NGFR: variants seen among roughly 807,000 people sequenced by gnomAD.
NGFR encodes nerve growth factor receptor.
Under a neutral mutation model 43.2 loss-of-function variants are expected in NGFR, and 30 were observed. The ratio of observed to expected loss-of-function variants is 0.69; its 90% CI spans 0.52 to 0.94. NGFR has a LOEUF of 0.94. Among genes scored for constraint, NGFR ranks in the 40% least tolerant of loss-of-function variants. The pLI is 0.00. For synonymous variants in NGFR, 246 were observed against 259.6 expected, an observed-to-expected ratio of 0.95 and a Z score of 0.50; for missense variants, 529 against 602.5, an observed-to-expected ratio of 0.88 and a Z score of 1.28.
At chr17:49,511,781 A>C in intron 4 of NGFR, 111 bp from the exon 5 acceptor site, 2 of 1,301,454 alleles carry the variant, frequency 1.5e-6, no homozygotes, top group Non-Finnish European at 2.0e-6. Flanking sequence ...GGCGGTTATA[A>C]TTGGGCACCC....
At chr17:49,501,932 G>T in intron 1 of NGFR, 131 bp from the exon 2 acceptor site, 1 of 850,938 alleles carries the variant, frequency 1.2e-6, no homozygotes, top group Non-Finnish European at 1.7e-6. Flanking sequence ...CCTCCCTGGT[G>T]AGCTCATCCC....
Position 49,512,708 on chromosome 17 carries a change from C to A in NGFR, c.983C>A (p.Ala328Asp). Reference protein sequence around the residue: ...QPHTQTASGQALKGDGGLYSS... With the variant: ...QPHTQTASGQDLKGDGGLYSS... Reference sequence around the variant, plus strand: ...TGACTCTCCTCTGGTTTCTCTGCAGCCCTCAAGGGTGACGGAGGCCTCTAC... The same window carrying A: ...TGACTCTCCTCTGGTTTCTCTGCAGACCTCAAGGGTGACGGAGGCCTCTAC... Residue 328 changes from alanine to aspartate, a missense_variant and splice_region_variant, in exon 6 of 6, where the codon GCC becomes GAC. Ala to Asp is a moderately radical substitution (Grantham distance 126). Coordinates refer to ENST00000172229, the MANE Select transcript of NGFR (RefSeq NM_002507.4). The surrounding 1 kb of genome is among the most constrained non-coding windows in gnomAD (Gnocchi z 5.2). 1 of 1,578,250 alleles carries A rather than the reference C, an allele frequency of 6.3e-7. No homozygotes were observed. The highest frequency in any genetic ancestry group is 8.6e-7 in the Non-Finnish European group (1 of 1,160,882).
chr17:49,507,697 C>G (rs185403394), intron 3 of NGFR, among the ~76,000 whole-genome samples: 223 of 152,312 alleles, frequency 1.5e-3, no homozygotes, highest in South Asian at 7.5e-3. Context: ...GCCATGCACA[C>G]ATTGAGCTAT....
At chr17:49,506,697 G>C (rs1382093284) in intron 3 of NGFR, 39 bp downstream of exon 3, 2 of 519,504 alleles carry the variant, frequency 3.8e-6, no homozygotes, top group Admixed American at 3.6e-5. Context: ...TGGGGGTGCG[G>C]GGGTGGGCTG....
chr17:49,502,002 C>CA (rs1373865598), intron 1 of NGFR, 61 bp from the exon 2 acceptor site: 4 of 269,488 alleles, frequency 1.5e-5, no homozygotes, highest in South Asian at 4.6e-5. Flanking sequence ...CCGGAAGAAC[C>CA]CCCCCCAACC....
At chr17:49,499,581 TTTTA>T (rs537086070) in intron 1 of NGFR, among the ~76,000 whole-genome samples, 6 of 151,840 alleles carry the variant, frequency 4.0e-5, no homozygotes, top group South Asian at 2.1e-4. Flanking sequence ...ATTATTTTTA[TTTTA>T]TTTATTTATT....
chr17:49,506,306 G>C lies in NGFR; in HGVS notation c.216G>C (p.Thr72=), dbSNP rs764728938. Residue 72 remains threonine (T), a synonymous_variant, in exon 3 of 6, where the codon ACG becomes ACC. Transcript: ENST00000172229. ...GGTGTCCGCTGCGCTCAGGCGTGAC[G>C]TTCTCCGACGTGGTGAGCGCGACCG... ...TVCEPCLDSV[T]FSDVVSATEP... 4.5e-6 allele frequency: 7 copies of C among 1,560,112 alleles called. No homozygotes were observed. The highest frequency in any genetic ancestry group is 1.3e-5 in the African/African-American group (1 of 74,226).
At chr17:49,510,234 C>T (rs573271659) in intron 3 of NGFR, among the ~76,000 whole-genome samples, 178 bp from the exon 4 acceptor site, 2 of 152,354 alleles carry the variant, frequency 1.3e-5, no homozygotes, top group East Asian at 3.9e-4. Flanking sequence ...TCTGTGGGCC[C>T]ACAGGCCTTG....
At chr17:49,509,971 T>G (rs990920132) in intron 3 of NGFR, among the ~76,000 whole-genome samples, 1 of 152,058 alleles carries the variant, frequency 6.6e-6, no homozygotes, top group Admixed American at 6.5e-5. Flanking sequence ...CAGAGAGACA[T>G]TTCCCAGAGT....
At chr17:49,502,000 A>AGGGCCCCCCCCCCCCCC in intron 1 of NGFR, 63 bp from the exon 2 acceptor site, 6 of 264,876 alleles carry the variant, frequency 2.3e-5, no homozygotes, top group Non-Finnish European at 3.9e-5. Flanking sequence ...CCCCGGAAGA[A>AGGGCCCCCCCCCCCCCC]CCCCCCCCAA....
intron 3 of NGFR, among the ~76,000 whole-genome samples, chr17:49,507,947 C>G (rs968681993): frequency 3.9e-5 from 6 of 152,216 alleles, no homozygotes; most frequent in African/African-American, 1.4e-4. Context: ...ATCTCCTGCC[C>G]CTGGGGACCC....
At position 49,512,108 on chromosome 17, in the gene NGFR, C is replaced by CT; in HGVS notation, c.982+56_982+57insT. ...GGAGCTGAGGCTGAGGAAACAGAAG[C>CT]AATTAAGATTAGACTCCAGGAAGGA... On this transcript the variant is annotated intron_variant, in intron 5 of 5. Coordinates refer to ENST00000172229, the MANE Select transcript of NGFR (RefSeq NM_002507.4). The surrounding 1 kb of genome is among the most constrained non-coding windows in gnomAD (Gnocchi z 5.2). 6.3e-7 allele frequency: 1 copy of CT among 1,579,118 alleles called. No homozygotes were observed. Among genetic ancestry groups the CT allele is most frequent in the African/African-American group, 1.3e-5 (1 of 74,210 alleles).
At position 49,501,231 on chromosome 17, in the gene NGFR, G is replaced by T. The variant is rs567430527; in HGVS notation, c.67-832G>T. 1.2e-4 allele frequency among the ~76,000 whole-genome samples: 18 copies of T among 152,336 alleles called. No individual in the cohort carries two copies. The East Asian group carries it at 3.3e-3, about 28-fold the overall frequency. On this transcript the variant is annotated intron_variant, in intron 1 of 5. Coordinates refer to ENST00000172229, the MANE Select transcript of NGFR (RefSeq NM_002507.4). Reference sequence around the variant, plus strand: ...CCAGCCCTGTTCCCAGTGGCCACATGGGGGAGGGGGAGGACTGGTGGCTGG... The same window carrying T: ...CCAGCCCTGTTCCCAGTGGCCACATTGGGGAGGGGGAGGACTGGTGGCTGG...
In NGFR at chr17:49,512,940, G is replaced by A. The variant is rs1393749994; in HGVS notation, c.1215G>A (p.Leu405=). 1.4e-5 allele frequency: 22 copies of A among 1,610,792 alleles called. No homozygotes were observed. Among genetic ancestry groups the A allele is most frequent in the Non-Finnish European group, 1.5e-5 (18 of 1,178,710 alleles). ...CACTGGACGCCCTCCTGGCCGCCCT[G>A]CGCCGCATCCAGCGAGCCGACCTCG... ...SATLDALLAA[L]RRIQRADLVE... is the part of the protein sequence containing the mutation. The change falls in exon 6 of 6, where the codon CTG becomes CTA. Residue 405 remains leucine (L), a synonymous_variant. Transcript: ENST00000172229. The surrounding 1 kb of genome is among the most constrained non-coding windows in gnomAD (Gnocchi z 5.2).
At chr17:49,506,718 G>C (rs966351807) in intron 3 of NGFR, 60 bp downstream of exon 3, 3 of 1,335,590 alleles carry the variant, frequency 2.2e-6, no homozygotes, top group Non-Finnish European at 2.0e-6. Flanking sequence ...GGGGCATAAG[G>C]AAGGGCGCTC....
chr17:49,506,154 C>T (rs1349162458), intron 2 of NGFR, 145 bp from the exon 3 acceptor site: 1 of 1,423,854 alleles, frequency 7.0e-7, no homozygotes, highest in East Asian at 2.5e-5. Context: ...GGGTCAGGGT[C>T]CCTTGGAAGA....
At chr17:49,500,420 C>T (rs1401120842) in intron 1 of NGFR, among the ~76,000 whole-genome samples, 1 of 152,170 alleles carries the variant, frequency 6.6e-6, no homozygotes, top group African/African-American at 2.4e-5. Flanking sequence ...TGGGGCAATC[C>T]AGCTCCCTCA....
chr17:49,511,136 A>G (rs1447085967), intron 4 of NGFR: 1 of 154,264 alleles, frequency 6.5e-6, no homozygotes, highest in Non-Finnish European at 1.4e-5. Flanking sequence ...AAAAAAAATC[A>G]TCAAAGTAAC....
intron 1 of NGFR, 64 bp from the exon 2 acceptor site, chr17:49,501,999 A>ATGGGGGCCC: frequency 3.0e-6 from 1 of 330,984 alleles, no homozygotes; most frequent in Non-Finnish European, 5.9e-6. Context: ...TCCCCGGAAG[A>ATGGGGGCCC]ACCCCCCCCA....
Sources: gnomAD v4.1 joint callset for allele counts (sites outside exome capture counted in the v4.1 genomes callset) on GRCh38, gnomAD v4.1.1 for gene constraint, Gnocchi (gnomAD v3.1) non-coding constraint, MANE v1.5 for transcripts, NCBI Gene and HGNC (gene_info 2026-07-23, HGNC 2026-07-21) for gene names.